DLG2: variants seen among roughly 807,000 people sequenced by gnomAD.
DLG2 encodes discs large MAGUK scaffold protein 2.
A neutral mutation model predicts 132.5 loss-of-function variants in DLG2; 45 were observed. The ratio of observed to expected loss-of-function variants is 0.34; its 90% CI spans 0.27 to 0.44. DLG2 has a LOEUF of 0.44. Among genes scored for constraint, DLG2 ranks in the 20% least tolerant of loss-of-function variants. The pLI is 1.00. For missense variants in DLG2, 1,045 were observed against 1,196.9 expected, an observed-to-expected ratio of 0.87 and a Z score of 1.87; for synonymous variants, 424 against 419.6, an observed-to-expected ratio of 1.01 and a Z score of -0.13.
intron 7 of DLG2, among the ~76,000 whole-genome samples, chr11:84,372,264 A>G (rs1381192574): frequency 6.6e-6 from 1 of 152,186 alleles, no homozygotes; most frequent in Non-Finnish European, 1.5e-5. Flanking sequence ...TATTAACATC[A>G]CAATTTCAGT....
intron 11 of DLG2, among the ~76,000 whole-genome samples, chr11:83,984,657 C>T (rs529079081): frequency 2.2e-4 from 33 of 152,076 alleles, no homozygotes; most frequent in African/African-American, 6.7e-4. Flanking sequence ...CTATCGAGCA[C>T]GGCCAAAGTA....
intron 17 of DLG2, among the ~76,000 whole-genome samples, chr11:83,813,901 C>T (rs2048080700): frequency 6.6e-6 from 1 of 152,108 alleles, no homozygotes; most frequent in African/African-American, 2.4e-5. Flanking sequence ...TAGACACAGT[C>T]ATCATTTTAT....
At chr11:83,594,263 T>A (rs1365623068) in intron 19 of DLG2, among the ~76,000 whole-genome samples, 2 of 152,232 alleles carry the variant, frequency 1.3e-5, no homozygotes, top group Non-Finnish European at 2.9e-5. Flanking sequence ...GGCCCCTCCA[T>A]CATTGTGAGT....
At position 85,054,051 on chromosome 11, in the gene DLG2, C is replaced by T. The variant is rs536368905; in HGVS notation, c.357+57610G>A. On this transcript the variant is annotated intron_variant, in intron 6 of 27. Coordinates refer to ENST00000376104, the MANE Select transcript of DLG2 (RefSeq NM_001142699.3). Reference sequence around the variant, plus strand: ...GGAGGCTGAGGCGGGTGGATCACAACGTCAGGAGATCGAGACCAGCCTAAC... The same window carrying T: ...GGAGGCTGAGGCGGGTGGATCACAATGTCAGGAGATCGAGACCAGCCTAAC... Among the ~76,000 whole-genome samples, 32 of 151,380 alleles carry T rather than the reference C, an allele frequency of 2.1e-4. No individual in the cohort carries two copies. In the East Asian group the frequency reaches 3.3e-3, roughly 16 times the overall value.
chr11:83,598,021 G>A (rs2057912676), intron 19 of DLG2, among the ~76,000 whole-genome samples: 1 of 152,216 alleles, frequency 6.6e-6, no homozygotes, highest in African/African-American at 2.4e-5. Flanking sequence ...AGGCAAGAGA[G>A]AGTCATGGTC....
intron 6 of DLG2, among the ~76,000 whole-genome samples, chr11:85,031,629 T>C (rs1004382045): frequency 6.6e-6 from 1 of 152,248 alleles, no homozygotes; most frequent in Middle Eastern, 3.4e-3. Context: ...AAATCAGTGG[T>C]CTTCAAAAAT....
intron 7 of DLG2, among the ~76,000 whole-genome samples, chr11:84,376,118 T>C (rs569204809): frequency 6.6e-6 from 1 of 152,126 alleles, no homozygotes; most frequent in South Asian, 2.1e-4. Context: ...GCTTAAATTA[T>C]CATCAATCTT....
At chr11:83,722,971 G>A (rs2089059010) in intron 18 of DLG2, among the ~76,000 whole-genome samples, 1 of 152,212 alleles carries the variant, frequency 6.6e-6, no homozygotes, top group South Asian at 2.1e-4. Flanking sequence ...TTTTATTTAT[G>A]GCCCCTACCA....
At chr11:83,643,343 C>T (rs2067155209) in intron 18 of DLG2, among the ~76,000 whole-genome samples, 1 of 152,082 alleles carries the variant, frequency 6.6e-6, no homozygotes, top group East Asian at 1.9e-4. Context: ...TTATTAGGGC[C>T]TAGCTGCCAA....
intron 3 of DLG2, among the ~76,000 whole-genome samples, chr11:85,430,119 A>G (rs961991258): frequency 1.6e-4 from 24 of 151,564 alleles, no homozygotes; most frequent in Admixed American, 2.6e-4. Flanking sequence ...CAAAAAAACC[A>G]AACACCACAT....
intron 3 of DLG2, among the ~76,000 whole-genome samples, chr11:85,297,432 G>A (rs1298538419): frequency 2.6e-5 from 4 of 152,116 alleles, no homozygotes; most frequent in Non-Finnish European, 5.9e-5. Context: ...TGAGACCACT[G>A]GAAAGCCACA....
chr11:83,532,680 C>G, intron 21 of DLG2, 28 bp downstream of exon 21: 1 of 1,601,024 alleles, frequency 6.2e-7, no homozygotes, highest in Non-Finnish European at 8.6e-7. Flanking sequence ...ACTGAGAGAA[C>G]TTGATGTTTC....
At position 84,397,544 on chromosome 11, in the gene DLG2, C is replaced by T. The variant is rs79195313; in HGVS notation, c.519+137026G>A. 2.2e-3 allele frequency among the ~76,000 whole-genome samples: 335 copies of T among 152,264 alleles called. 2 individuals carry two copies. The highest frequency in any genetic ancestry group is 7.8e-3 in the African/African-American group (325 of 41,546). On this transcript the variant is annotated intron_variant, in intron 7 of 27. Transcript: ENST00000376104. Reference sequence around the variant, plus strand: ...GAAACCACTTGTGCAATTCTCCATGCTCTCTCTCTATTTTTTGGCAATCTT... The same window carrying T: ...GAAACCACTTGTGCAATTCTCCATGTTCTCTCTCTATTTTTTGGCAATCTT...
intron 3 of DLG2, among the ~76,000 whole-genome samples, chr11:85,377,862 T>A (rs956994659): frequency 6.7e-6 from 1 of 149,200 alleles, no homozygotes; most frequent in East Asian, 2.0e-4. Context: ...TGTGTGTGTA[T>A]ACATATATAT....
intron 6 of DLG2, among the ~76,000 whole-genome samples, chr11:84,563,690 A>G (rs2099437379): frequency 6.6e-6 from 1 of 152,210 alleles, no homozygotes; most frequent in Non-Finnish European, 1.5e-5. Context: ...GAGTTCAAGA[A>G]AGTTTAAGTA....
chr11:84,830,260 C>T (rs2078857560), intron 6 of DLG2, among the ~76,000 whole-genome samples: 1 of 151,514 alleles, frequency 6.6e-6, no homozygotes, highest in South Asian at 2.1e-4. Flanking sequence ...CTTAACTATT[C>T]TGTGCCATAG....
chr11:83,755,300 A>C (rs2093600098), intron 18 of DLG2, among the ~76,000 whole-genome samples: 1 of 151,262 alleles, frequency 6.6e-6, no homozygotes, highest in Admixed American at 6.6e-5. Context: ...AATTAGTTCT[A>C]CTCTGATATC....
intron 16 of DLG2, among the ~76,000 whole-genome samples, chr11:83,862,246 A>T (rs536703589): frequency 6.6e-6 from 1 of 152,292 alleles, no homozygotes; most frequent in Non-Finnish European, 1.5e-5. Context: ...TACACAATGC[A>T]CTACTATCCA....
chr11:83,992,513 C>A (rs187613015), intron 11 of DLG2, among the ~76,000 whole-genome samples: 8 of 152,034 alleles, frequency 5.3e-5, no homozygotes, highest in African/African-American at 1.7e-4. Flanking sequence ...AATATATACT[C>A]AAAGACCCAG....
Sources: allele counts gnomAD v4.1 joint callset (sites outside exome capture counted in the v4.1 genomes callset), GRCh38; gene constraint gnomAD v4.1.1; transcripts MANE v1.5; gene names NCBI Gene and HGNC (gene_info 2026-07-23, HGNC 2026-07-21).